The following DDHD1 variants were observed in gnomAD, a reference collection of about 807,000 sequenced individuals.
DDHD1 encodes phospholipase DDHD1.
Under a neutral mutation model 96.4 loss-of-function variants are expected in DDHD1, and 49 were observed. The ratio of observed to expected loss-of-function variants is 0.51; its 90% CI spans 0.40 to 0.64. The LOEUF (loss-of-function observed/expected upper bound fraction) is 0.64, where lower values mean the gene tolerates loss of function less well. DDHD1 is among the 30% of genes least tolerant of loss of function. DDHD1 has a pLI of 0.00. For synonymous variants in DDHD1, 442 were observed against 446.5 expected, an observed-to-expected ratio of 0.99 and a Z score of 0.13; for missense variants, 1,106 against 1,161.2, an observed-to-expected ratio of 0.95 and a Z score of 0.69.
chr14:53,128,293 T>G (rs1595232214), intron 1 of DDHD1, among the ~76,000 whole-genome samples: 1 of 152,346 alleles, frequency 6.6e-6, no homozygotes, highest in South Asian at 2.1e-4. Context: ...CCATCTAGGC[T>G]GCTGTAATAA....
chr14:53,057,042 A>G (rs1200774703), intron 9 of DDHD1, among the ~76,000 whole-genome samples: 1 of 152,196 alleles, frequency 6.6e-6, no homozygotes, highest in African/African-American at 2.4e-5. Context: ...CATACAGATA[A>G]GATACAATCT....
At chr14:53,150,914 C>T (rs1277227712) in intron 1 of DDHD1, among the ~76,000 whole-genome samples, 2 of 152,168 alleles carry the variant, frequency 1.3e-5, no homozygotes, top group Non-Finnish European at 2.9e-5. Context: ...TGTAACAGAT[C>T]TCACTAAATC....
chr14:53,117,493 T>C (rs1356500772), intron 1 of DDHD1, among the ~76,000 whole-genome samples: 1 of 152,174 alleles, frequency 6.6e-6, no homozygotes, highest in Non-Finnish European at 1.5e-5. Flanking sequence ...GGAGATACCC[T>C]CCTGTCACTG....
intron 9 of DDHD1, 103 bp downstream of exon 9, chr14:53,058,374 C>G (rs1883249452): frequency 5.2e-6 from 7 of 1,351,270 alleles, no homozygotes; most frequent in Non-Finnish European, 7.0e-6. Context: ...CTCAGCCTCC[C>G]AAAGTGCTGG....
Position 53,152,703 on chromosome 14 carries a change from GC to G in DDHD1, c.395del (p.Gly132AlafsTer28). The G allele has an allele frequency of 1.9e-6, 3 of 1,610,668 alleles. No individual in the cohort carries two copies. The South Asian group carries it at 3.3e-5, about 18-fold the overall frequency. ...QPPLVPTNSG[G>X]GGATGGSPGE... ...CGGGGGACCCTCCTGTCGCGCCGCC[GC>G]CCCCCGAGTTCGTCGGGACCAGCGG... On this transcript the variant is annotated frameshift_variant, in exon 1 of 13. Coordinates refer to ENST00000673822, the MANE Select transcript of DDHD1 (RefSeq NM_001160148.2). LOFTEE classifies it high-confidence loss of function.
At chr14:53,051,133 A>C (rs907606791) in intron 12 of DDHD1, among the ~76,000 whole-genome samples, 3 of 151,798 alleles carry the variant, frequency 2.0e-5, no homozygotes, top group African/African-American at 7.2e-5. Context: ...ATTTGGTTAA[A>C]ACATTAAAAG....
chr14:53,055,644 A>G lies in DDHD1; in HGVS notation c.2245+16T>C, dbSNP rs560696739. 2 of 1,611,868 alleles carry G rather than the reference A, an allele frequency of 1.2e-6. No homozygotes were observed. The highest frequency in any genetic ancestry group is 1.1e-5 in the South Asian group (1 of 90,978). On this transcript the variant is annotated intron_variant, in intron 10 of 12. Transcript: ENST00000673822. ...GTGCTTATATGCATAGATAAGGAAT[A>G]CATAAGAGAAATTACCTAATATGCT...
chr14:53,084,697 CCA>C (rs1885778796), intron 4 of DDHD1, among the ~76,000 whole-genome samples: 1 of 152,166 alleles, frequency 6.6e-6, no homozygotes, highest in Non-Finnish European at 1.5e-5. Flanking sequence ...TCTGCAGCTC[CCA>C]GCTTGATCGA....
chr14:53,054,337 C>T (rs1166308650), intron 11 of DDHD1, 101 bp downstream of exon 11: 2 of 1,016,740 alleles, frequency 2.0e-6, no homozygotes, highest in Non-Finnish European at 2.8e-6. Context: ...CACTTTAGAT[C>T]TTAGAGTTGA....
chr14:53,060,889 T>C (rs1455882829), intron 8 of DDHD1, among the ~76,000 whole-genome samples: 3 of 152,214 alleles, frequency 2.0e-5, no homozygotes, highest in Admixed American at 6.5e-5. Flanking sequence ...TATTGTTCTG[T>C]ATACTGATAA....
chr14:53,100,970 T>C (rs2139711362), intron 2 of DDHD1, among the ~76,000 whole-genome samples: 1 of 152,338 alleles, frequency 6.6e-6, no homozygotes, highest in East Asian at 1.9e-4. Flanking sequence ...TTGTCTACTC[T>C]AACAGGCTTA....
intron 1 of DDHD1, among the ~76,000 whole-genome samples, chr14:53,113,972 T>A (rs560549637): frequency 6.6e-6 from 1 of 152,270 alleles, no homozygotes; most frequent in South Asian, 2.1e-4. Flanking sequence ...AACCACTGGC[T>A]TGAAATTCTC....
intron 6 of DDHD1, among the ~76,000 whole-genome samples, chr14:53,068,499 C>A (rs987055346): frequency 6.6e-6 from 1 of 152,134 alleles, no homozygotes; most frequent in Admixed American, 6.5e-5. Context: ...GATCCTCCTA[C>A]CTTGGCCTCA....
At chr14:53,073,318 C>T (rs1462476037) in intron 5 of DDHD1, among the ~76,000 whole-genome samples, 1 of 151,826 alleles carries the variant, frequency 6.6e-6, no homozygotes, top group South Asian at 2.1e-4. Context: ...AAACAAAAAA[C>T]CTGAGATTTT....
rs1886599023 is a variant in DDHD1 at position 53,093,348 on chromosome 14, C to T, written c.1109G>A (p.Arg370Lys). 1.9e-6 allele frequency: 3 copies of T among 1,612,074 alleles called. No homozygotes were observed. The highest frequency in any genetic ancestry group is 2.5e-6 in the Non-Finnish European group (3 of 1,179,438). The change falls in exon 3 of 13, where the codon AGA (arginine) becomes AAA (lysine). Residue 370 changes from arginine to lysine, a missense_variant. Around this residue, in one of 2 missense-constraint regions of DDHD1, gnomAD observed 650 missense variants for 758.8 expected, o/e 0.86. Coordinates refer to ENST00000673822, the MANE Select transcript of DDHD1 (RefSeq NM_001160148.2). ...YSDATTSKIARTVTQKLGFSK... is the reference protein window; with the variant it reads ...YSDATTSKIAKTVTQKLGFSK... ...AAATCCCAGTTTTTGGGTAACTGTT[C>T]TTGCAATTTTAGATGTTGTTGCATC...
intron 1 of DDHD1, among the ~76,000 whole-genome samples, chr14:53,137,008 A>G (rs1036885152): frequency 2.0e-5 from 3 of 152,238 alleles, no homozygotes; most frequent in Admixed American, 6.5e-5. Context: ...AAAGATGTTA[A>G]AACAACCATT....
chr14:53,047,729 G>A (rs570007699), intron 12 of DDHD1, among the ~76,000 whole-genome samples: 22 of 152,312 alleles, frequency 1.4e-4, no homozygotes, highest in African/African-American at 4.1e-4. Flanking sequence ...GAAAGTCCTT[G>A]CGATTACCTG....
chr14:53,142,602 T>C (rs1038012902), intron 1 of DDHD1, among the ~76,000 whole-genome samples: 5 of 152,218 alleles, frequency 3.3e-5, no homozygotes, highest in African/African-American at 1.2e-4. Flanking sequence ...GGGGATAAAG[T>C]TGGTATCTCT....
At chr14:53,072,557 A>C (rs1269365643) in intron 6 of DDHD1, 40 bp downstream of exon 6, 1 of 1,180,466 alleles carries the variant, frequency 8.5e-7, no homozygotes, top group African/African-American at 1.5e-5. Flanking sequence ...ATAAGCTATC[A>C]CTAAAAAATA....
Sources: gnomAD v4.1 joint callset for allele counts (sites outside exome capture counted in the v4.1 genomes callset) on GRCh38, gnomAD v4.1.1 for gene constraint, gnomAD v4.1.1 regional missense constraint, MANE v1.5 for transcripts, NCBI Gene and HGNC (gene_info 2026-07-23, HGNC 2026-07-21) for gene names.